The following RGL1 variants were observed in gnomAD, a reference collection of about 807,000 sequenced individuals.
RGL1 encodes ral guanine nucleotide dissociation stimulator-like 1.
RGL1 carries 24 observed loss-of-function variants against 95.2 expected under a neutral mutation model. That is an observed-to-expected ratio of 0.25 (90% CI 0.18 to 0.35). RGL1 has a LOEUF of 0.35. RGL1 is among the 10% of genes least tolerant of loss of function. The probability of loss-of-function intolerance (pLI) is 1.00; values close to 1 mark genes in which losing one functional copy is unlikely to be tolerated. For missense variants in RGL1, 715 were observed against 936.3 expected, an observed-to-expected ratio of 0.76 and a Z score of 3.08; for synonymous variants, 329 against 344.9, an observed-to-expected ratio of 0.95 and a Z score of 0.51.
At chr1:183,657,279 C>A (rs1220680959) in intron 1 of RGL1, among the ~76,000 whole-genome samples, 1 of 151,988 alleles carries the variant, frequency 6.6e-6, no homozygotes, top group Non-Finnish European at 1.5e-5. Flanking sequence ...GTGTATAAAT[C>A]TTTCTTTTTT....
At chr1:183,848,178 G>T (rs1289656907) in intron 3 of RGL1, among the ~76,000 whole-genome samples, 2 of 152,174 alleles carry the variant, frequency 1.3e-5, no homozygotes, top group Non-Finnish European at 2.9e-5. Flanking sequence ...CTCATTCTTA[G>T]ATCCACAGGA....
chr1:183,651,133 C>G (rs943983716), intron 1 of RGL1, among the ~76,000 whole-genome samples: 1 of 152,112 alleles, frequency 6.6e-6, no homozygotes, highest in Non-Finnish European at 1.5e-5. Context: ...GTGGTCCAGT[C>G]TCTACTCCTG....
intron 3 of RGL1, among the ~76,000 whole-genome samples, chr1:183,852,061 C>T (rs3002648): frequency 6.6e-6 from 1 of 152,014 alleles, no homozygotes; most frequent in East Asian, 1.9e-4. Flanking sequence ...AACACTGAGA[C>T]GCTATTACAG....
chr1:183,818,552 C>G (rs906936964), intron 2 of RGL1, among the ~76,000 whole-genome samples: 1 of 151,924 alleles, frequency 6.6e-6, no homozygotes, highest in Non-Finnish European at 1.5e-5. Flanking sequence ...TTCCTTAGCA[C>G]TTTACCAAAA....
intron 3 of RGL1, among the ~76,000 whole-genome samples, chr1:183,854,111 A>G (rs910110887): frequency 6.6e-6 from 1 of 152,234 alleles, no homozygotes. Context: ...TCAGTGTGCA[A>G]ATACATTTAT....
chr1:183,843,099 A>G (rs1664176252), intron 2 of RGL1, among the ~76,000 whole-genome samples: 1 of 152,226 alleles, frequency 6.6e-6, no homozygotes, highest in Non-Finnish European at 1.5e-5. Flanking sequence ...CATAATAAGC[A>G]GGTATTAGGA....
rs1668500201 is a variant in RGL1, at chr1:183,909,080, C to T, written c.1562+1979C>T. 2.0e-5 allele frequency among the ~76,000 whole-genome samples: 3 copies of T among 152,196 alleles called. No individual in the cohort carries two copies. In the South Asian group the frequency reaches 6.2e-4, roughly 31 times the overall value. On this transcript the variant is annotated intron_variant, in intron 14 of 17. Coordinates refer to ENST00000360851, the MANE Select transcript of RGL1 (RefSeq NM_001297671.3). ...TGGTAGGTACTCAGTACATCTCTTA[C>T]TAGTAAAATCTTGCTGGGATAACCC...
At chr1:183,913,305 C>T (rs567993330) in intron 15 of RGL1, among the ~76,000 whole-genome samples, 3 of 145,896 alleles carry the variant, frequency 2.1e-5, no homozygotes, top group African/African-American at 7.6e-5. Flanking sequence ...AGGGGATTCT[C>T]CTGCCTCAGC....
intron 2 of RGL1, among the ~76,000 whole-genome samples, chr1:183,750,364 T>G (rs868043045): frequency 6.6e-6 from 1 of 152,258 alleles, no homozygotes; most frequent in Admixed American, 6.5e-5. Flanking sequence ...CTATTGATAC[T>G]TGTGTATGCT....
chr1:183,656,157 T>A (rs1351954796), intron 1 of RGL1, among the ~76,000 whole-genome samples: 1 of 148,694 alleles, frequency 6.7e-6, no homozygotes, highest in Non-Finnish European at 1.5e-5. Context: ...CACAAGGAAG[T>A]CCCCTTGGCT....
intron 10 of RGL1, among the ~76,000 whole-genome samples, chr1:183,899,303 C>G (rs1367626214): frequency 2.6e-5 from 4 of 152,154 alleles, no homozygotes; most frequent in African/African-American, 9.7e-5. Context: ...TTATCTGTTC[C>G]AGGACCCAAT....
At chr1:183,728,040 T>G (rs892379783) in intron 1 of RGL1, among the ~76,000 whole-genome samples, 1 of 152,142 alleles carries the variant, frequency 6.6e-6, no homozygotes, top group Non-Finnish European at 1.5e-5. Context: ...CCTCATCTAA[T>G]CCAATTCATT....
At chr1:183,839,824 G>A (rs184435015) in intron 2 of RGL1, among the ~76,000 whole-genome samples, 110 of 152,196 alleles carry the variant, frequency 7.2e-4, no homozygotes, top group African/African-American at 2.5e-3. Context: ...GTGGTGGAAA[G>A]GTATGATGCC....
At chr1:183,900,949 G>T (rs1264305373) in intron 11 of RGL1, among the ~76,000 whole-genome samples, 1 of 151,814 alleles carries the variant, frequency 6.6e-6, no homozygotes, top group African/African-American at 2.4e-5. Context: ...TGAATCACCT[G>T]AGGTCAGGAG....
rs190808624 is a variant in RGL1 at position 183,926,419 on chromosome 1, C to A, written c.*127C>A. ...AAGTCAGCAGATATTTATTGAGTTC[C>A]TGTGGTGTGCAAAGCATTATGATAG... On this transcript the variant is annotated 3_prime_UTR_variant, in exon 18 of 18. Transcript: ENST00000360851. 2.3e-4 allele frequency: 168 copies of A among 733,316 alleles called. No homozygotes were observed. In the African/African-American group the frequency reaches 2.9e-3, roughly 13 times the overall value. The allele number at this position is 733,316 out of a possible 1,614,324, so 45.4% of individuals were successfully genotyped here.
intron 1 of RGL1, among the ~76,000 whole-genome samples, chr1:183,674,203 C>T (rs764792202): frequency 2.0e-5 from 3 of 151,984 alleles, no homozygotes; most frequent in Non-Finnish European, 2.9e-5. Flanking sequence ...ATGGTCTGAG[C>T]AAATAGCTTC....
At chr1:183,917,229 G>A (rs1009763317) in intron 16 of RGL1, among the ~76,000 whole-genome samples, 1 of 152,212 alleles carries the variant, frequency 6.6e-6, no homozygotes, top group African/African-American at 2.4e-5. Context: ...GGTTAATGAG[G>A]AACGATGCCT....
chr1:183,837,118 CT>C (rs778114051), intron 2 of RGL1, among the ~76,000 whole-genome samples: 3 of 152,164 alleles, frequency 2.0e-5, no homozygotes, highest in Non-Finnish European at 2.9e-5. Flanking sequence ...AGTTGCTACC[CT>C]TCCCCGTACT....
chr1:183,883,128 A>G (rs1266710322), intron 5 of RGL1, among the ~76,000 whole-genome samples: 2 of 152,130 alleles, frequency 1.3e-5, no homozygotes, highest in South Asian at 2.1e-4. Context: ...TCTGCTTTTT[A>G]TTCGGAATCC....
Sources: allele counts gnomAD v4.1 joint callset (sites outside exome capture counted in the v4.1 genomes callset), GRCh38; gene constraint gnomAD v4.1.1; transcripts MANE v1.5; gene names NCBI Gene and HGNC (gene_info 2026-07-23, HGNC 2026-07-21).